PIGT: variants seen among roughly 807,000 people sequenced by gnomAD.
PIGT encodes phosphatidylinositol glycan anchor biosynthesis class T.
A neutral mutation model predicts 66.7 loss-of-function variants in PIGT; 57 were observed. That is an observed-to-expected ratio of 0.86 (90% confidence interval 0.69 to 1.07). The LOEUF is 1.07. Ranked by LOEUF, PIGT falls within the 50% of genes least tolerant of loss-of-function variation. The pLI is 0.00. For synonymous variants in PIGT, 362 were observed against 320.5 expected (o/e 1.13, Z -1.38); for missense variants, 725 against 740.4 (o/e 0.98, Z 0.24).
Position 45,424,414 on chromosome 20 carries a change from C to G in PIGT, c.1400+33C>G, listed in dbSNP as rs1416766116. 6.8e-6 allele frequency: 11 copies of G among 1,613,630 alleles called. No individual in the cohort carries two copies. The Admixed American group carries it at 1.8e-4, about 27-fold the overall frequency. ...CCACCCCCACAGGCCACCTCTCATCCCCCTGACCTACCCTTTCTGCTGCTT... is the reference window on the plus strand; with the variant it reads ...CCACCCCCACAGGCCACCTCTCATCGCCCTGACCTACCCTTTCTGCTGCTT... On this transcript the variant is annotated intron_variant, in intron 10 of 11. Coordinates refer to ENST00000279036, the MANE Select transcript of PIGT (RefSeq NM_015937.6).
In PIGT at chr20:45,416,213, C is replaced by T. The variant is rs777587718; in HGVS notation, c.57C>T (p.Gly19=). The change falls in exon 1 of 12, where the codon GGC becomes GGT. Residue 19 remains glycine (G), a synonymous_variant. Transcript: ENST00000279036. Reference sequence around the variant, plus strand: ...TCCTGTTGCTCCTGGGGCCCGGCGGCTGGTGCCTTGCAGAACCCCCACGCG... The same window carrying T: ...TCCTGTTGCTCCTGGGGCCCGGCGGTTGGTGCCTTGCAGAACCCCCACGCG... The part of the protein sequence containing the change: ...LLVLLLLGPG[G]WCLAEPPRDS... 13 of 1,594,514 alleles carry T rather than the reference C, an allele frequency of 8.2e-6. No individual in the cohort carries two copies. The highest frequency in any genetic ancestry group is 1.1e-5 in the Non-Finnish European group (13 of 1,171,400).
rs532563519 is a variant in PIGT at position 45,416,169 on chromosome 20, A to G, written c.13A>G (p.Met5Val). 3.1e-5 allele frequency: 48 copies of G among 1,569,888 alleles called. No individual in the cohort carries two copies. Among genetic ancestry groups the G allele is most frequent in the Middle Eastern group, 2.1e-4 (1 of 4,728 alleles). MAAA[M>V]PLALLVLLLL... ...AGTAGCCGCAGGCATGGCGGCGGCT[A>G]TGCCGCTTGCTCTGCTCGTCCTGTT... Residue 5 changes from methionine to valine, a missense_variant, in exon 1 of 12, where the codon ATG (methionine) becomes GTG (valine). This residue lies in a region of PIGT where 559 missense variants were observed against 552.7 expected (regional missense o/e 1.01). Coordinates refer to ENST00000279036, the MANE Select transcript of PIGT (RefSeq NM_015937.6).
rs765419537 is a variant in PIGT, at chr20:45,420,198, C to T, written c.744C>T (p.Ala248=). 31 of 1,612,022 alleles carry T rather than the reference C, an allele frequency of 1.9e-5. No homozygotes were observed. Among genetic ancestry groups the T allele is most frequent in the East Asian group, 2.2e-5 (1 of 44,880 alleles). Residue 248 remains alanine, a synonymous_variant, in exon 6 of 12, where the codon GCC becomes GCT. Coordinates refer to ENST00000279036, the MANE Select transcript of PIGT (RefSeq NM_015937.6). ...AGACCCTGTCAGTTGTATTTGATGC[C>T]TTCATCACGGGGCAGGGAAAGAAAG... The part of the protein sequence containing the change: ...LRQTLSVVFD[A]FITGQGKKDW...
chr20:45,425,277 T>G (rs1352058329), intron 11 of PIGT, among the ~76,000 whole-genome samples: 4 of 151,594 alleles, frequency 2.6e-5, no homozygotes, highest in African/African-American at 7.3e-5. Context: ...AACATACAGG[T>G]TTGTTACATA....
Position 45,425,846 on chromosome 20 carries a change from C to CTGCA in PIGT, c.*21_*24dup, listed in dbSNP as rs1990718033. 1 of 1,605,184 alleles carries CTGCA rather than the reference C, an allele frequency of 6.2e-7. No homozygotes were observed. The highest frequency in any genetic ancestry group is 8.5e-7 in the Non-Finnish European group (1 of 1,174,944). Reference sequence around the variant, plus strand: ...CTCTGATTCTTGCCCTTTCCAGCAGCTGCAGCTGCCGTTTCTCTCTGGGGA... The same window carrying CTGCA: ...CTCTGATTCTTGCCCTTTCCAGCAGCTGCATGCAGCTGCCGTTTCTCTCTGGGGA... On this transcript the variant is annotated 3_prime_UTR_variant, in exon 12 of 12. Transcript: ENST00000279036.
chr20:45,421,494 C>A lies in PIGT; in HGVS notation c.1145C>A (p.Pro382Gln). ...LYNTHPYRAF[P>Q]VLLLDTVPWY... ...AACACCCACCCATACCGGGCCTTCC[C>A]GGTGCTGCTGCTGGACACCGTACCC... The change falls in exon 9 of 12, where the codon CCG becomes CAG. Residue 382 changes from proline (P) to glutamine (Q), a missense_variant. Physicochemically the swap from Pro to Gln is moderately conservative, Grantham distance 76. Transcript: ENST00000279036. 2 of 1,614,162 alleles carry A rather than the reference C, an allele frequency of 1.2e-6. No individual in the cohort carries two copies. The highest frequency in any genetic ancestry group is 1.7e-6 in the Non-Finnish European group (2 of 1,180,010).
In PIGT at chr20:45,419,575, C is replaced by G. The variant is rs1990218361; in HGVS notation, c.666C>G (p.Ile222Met). The G allele has an allele frequency of 6.2e-7, 1 of 1,613,022 alleles. No individual in the cohort carries two copies. The highest frequency in any genetic ancestry group is 1.3e-5 in the African/African-American group (1 of 74,900). The change falls in exon 5 of 12, where the codon ATC becomes ATG. Residue 222 changes from isoleucine (I) to methionine (M), a missense_variant. This residue lies in a region of PIGT where 559 missense variants were observed against 552.7 expected (regional missense o/e 1.01). Transcript: ENST00000279036. Reference sequence around the variant, plus strand: ...GCTACCACTCCCAGGCAGTGCATATCCGCCCTGTTTGCAGAGTAAGTCATG... The same window carrying G: ...GCTACCACTCCCAGGCAGTGCATATGCGCCCTGTTTGCAGAGTAAGTCATG... ...HTSYHSQAVH[I>M]RPVCRNARCT...
chr20:45,425,397 G>A (rs925835360), intron 11 of PIGT, 177 bp from the exon 12 acceptor site: 14 of 261,022 alleles, frequency 5.4e-5, no homozygotes, highest in South Asian at 4.5e-4. Flanking sequence ...CTTGCCCCCC[G>A]CCCGCCGCTC....
In PIGT at chr20:45,420,095, AGT is replaced by A. The variant is rs747270138; in HGVS notation, c.682-39_682-38del. The A allele has an allele frequency of 4.3e-6, 6 of 1,396,802 alleles. No individual in the cohort carries two copies. In the South Asian group the frequency reaches 7.1e-5, roughly 17 times the overall value. The allele number at this position is 1,396,802 out of a possible 1,614,324, so 86.5% of individuals were successfully genotyped here. On this transcript the variant is annotated intron_variant, in intron 5 of 11. Coordinates refer to ENST00000279036, the MANE Select transcript of PIGT (RefSeq NM_015937.6). ...GTCTTTTTGGGGGCTGTGTGGTGAG[AGT>A]GATACCCCCTCACTGCTGCCATCTG... is the stretch of plus-strand genomic sequence containing the variant.
rs775836403 is a variant in PIGT at position 45,416,238 on chromosome 20, G to A, written c.82G>A (p.Asp28Asn). ...GGWCLAEPPR[D>N]SLREELVITP... is the part of the protein sequence containing the mutation. ...CTGGTGCCTTGCAGAACCCCCACGC[G>A]ACAGCCTGCGGGAGGAACTTGTCAT... is the stretch of plus-strand genomic sequence containing the variant. Residue 28 changes from aspartate (D) to asparagine (N), a missense_variant, in exon 1 of 12, where the codon GAC becomes AAC. Coordinates refer to ENST00000279036, the MANE Select transcript of PIGT (RefSeq NM_015937.6). 5 of 1,596,474 alleles carry A rather than the reference G, an allele frequency of 3.1e-6. No individual in the cohort carries two copies. In the South Asian group the frequency reaches 3.4e-5, roughly 11 times the overall value.
chr20:45,422,523 T>G (rs563119316), intron 9 of PIGT: 1 of 152,020 alleles, frequency 6.6e-6, no homozygotes, highest in East Asian at 1.9e-4. Flanking sequence ...CATGGCTCAT[T>G]GCAGTCTCAG....
At chr20:45,420,045 G>C (rs1202795676) in intron 5 of PIGT, 91 bp from the exon 6 acceptor site, 1 of 882,468 alleles carries the variant, frequency 1.1e-6, no homozygotes. Context: ...AAGATACATA[G>C]ATGAGGGATT....
rs574183358 is a variant in PIGT, at chr20:45,419,543, C to T, written c.634C>T (p.His212Tyr). 91 of 1,614,180 alleles carry T rather than the reference C, an allele frequency of 5.6e-5. 1 individual carries two copies. The East Asian group carries it at 1.9e-3, about 34-fold the overall frequency. Reference sequence around the variant, plus strand: ...GCTGCTGAAGGCAGATCGCTTGTTCCACACCAGCTACCACTCCCAGGCAGT... The same window carrying T: ...GCTGCTGAAGGCAGATCGCTTGTTCTACACCAGCTACCACTCCCAGGCAGT... Reference protein sequence around the residue: ...SVLLKADRLFHTSYHSQAVHI... With the variant: ...SVLLKADRLFYTSYHSQAVHI... Residue 212 changes from histidine (H) to tyrosine (Y), a missense_variant, in exon 5 of 12, where the codon CAC (histidine) becomes TAC (tyrosine). By Grantham distance (83) the His-to-Tyr change is moderately conservative (BLOSUM62 2). Around this residue, in one of 3 missense-constraint regions of PIGT, gnomAD observed 559 missense variants for 552.7 expected, o/e 1.01. Transcript: ENST00000279036.
chr20:45,423,747 G>A (rs1402734347), intron 9 of PIGT: 2 of 152,698 alleles, frequency 1.3e-5, no homozygotes, highest in African/African-American at 4.9e-5. Context: ...GAAGAAACTG[G>A]GTCATTTGTT....
chr20:45,421,341 T>G, intron 8 of PIGT, 42 bp from the exon 9 acceptor site: 1 of 1,562,224 alleles, frequency 6.4e-7, no homozygotes, highest in Non-Finnish European at 8.7e-7. Context: ...GGAGTGATTC[T>G]TACCTTTGGC....
chr20:45,419,425 CGGGG>C, intron 4 of PIGT, 30 bp downstream of exon 4: 1 of 1,602,616 alleles, frequency 6.2e-7, no homozygotes. Flanking sequence ...CAGCCGGGGG[CGGGG>C]GGTGTATAGA....
intron 2 of PIGT, chr20:45,418,626 G>A: frequency 3.9e-6 from 2 of 507,636 alleles, no homozygotes; most frequent in Non-Finnish European, 3.6e-6. Flanking sequence ...GAGACCCATG[G>A]GGATGCAGAG....
At chr20:45,425,401 G>A (rs1165440003) in intron 11 of PIGT, 173 bp from the exon 12 acceptor site, 7 of 303,424 alleles carry the variant, frequency 2.3e-5, no homozygotes, top group South Asian at 8.8e-5. Flanking sequence ...CCCCCCGCCC[G>A]CCGCTCCCCT....
Position 45,418,991 on chromosome 20 carries a change from C to T in PIGT, c.493+12C>T, listed in dbSNP as rs1242465379. ...GGGTCTGGCCAATGGTGAGATAACC[C>T]CTACAGCCCTTTCCTTCTTCCTCTT... On this transcript the variant is annotated intron_variant, in intron 3 of 11. Coordinates refer to ENST00000279036, the MANE Select transcript of PIGT (RefSeq NM_015937.6). 1.2e-6 allele frequency: 2 copies of T among 1,614,008 alleles called. No homozygotes were observed. Among genetic ancestry groups the T allele is most frequent in the South Asian group, 1.1e-5 (1 of 91,048 alleles).
Sources: gnomAD v4.1 joint callset for allele counts (sites outside exome capture counted in the v4.1 genomes callset) on GRCh38, gnomAD v4.1.1 for gene constraint, gnomAD v4.1.1 regional missense constraint, MANE v1.5 for transcripts, NCBI Gene and HGNC (gene_info 2026-07-23, HGNC 2026-07-21) for gene names.